RBFOX1: variants seen among roughly 807,000 people sequenced by gnomAD.
RBFOX1 encodes the protein RNA binding fox-1 homolog 1, also known as RNA binding protein fox-1 homolog 1.
RBFOX1 carries 8 observed loss-of-function variants against 57.7 expected under a neutral mutation model. The ratio of observed to expected loss-of-function variants is 0.14; its 90% CI spans 0.08 to 0.25. The LOEUF is 0.25. Ranked by LOEUF, RBFOX1 falls within the 10% of genes least tolerant of loss-of-function variation. The pLI is 1.00. For synonymous variants in RBFOX1, 326 were observed against 222.4 expected, an observed-to-expected ratio of 1.47 and a Z score of -4.15; for missense variants, 611 against 548.5, an observed-to-expected ratio of 1.11 and a Z score of -1.14.
At chr16:7,329,023 A>C (rs1188896564) in intron 4 of RBFOX1, among the ~76,000 whole-genome samples, 1 of 152,198 alleles carries the variant, frequency 6.6e-6, no homozygotes, top group African/African-American at 2.4e-5. Context: ...AATTTAGTAA[A>C]TACAGTATTA....
chr16:7,319,794 C>T (rs971596915), intron 4 of RBFOX1, among the ~76,000 whole-genome samples: 1 of 152,048 alleles, frequency 6.6e-6, no homozygotes, highest in African/African-American at 2.4e-5. Context: ...GACTGCCGGC[C>T]CTCCCTGCTC....
At chr16:6,109,576 A>G (rs1052723026) in intron 1 of RBFOX1, among the ~76,000 whole-genome samples, 2 of 152,106 alleles carry the variant, frequency 1.3e-5, no homozygotes, top group African/African-American at 2.4e-5. Flanking sequence ...TGCTTTCTCT[A>G]TTTTCTAGTG....
intron 1 of RBFOX1, among the ~76,000 whole-genome samples, chr16:5,429,663 T>G (rs1380445590): frequency 1.3e-5 from 2 of 152,176 alleles, no homozygotes; most frequent in African/African-American, 2.4e-5. Flanking sequence ...AAGGCCTGGA[T>G]AGTTCAACCC....
intron 3 of RBFOX1, among the ~76,000 whole-genome samples, chr16:6,860,874 A>G (rs978101153): frequency 6.6e-6 from 1 of 152,202 alleles, no homozygotes; most frequent in Non-Finnish European, 1.5e-5. Context: ...AATGTATTCA[A>G]AAATAGATAT....
chr16:6,195,229 C>G (rs12447237), intron 1 of RBFOX1, among the ~76,000 whole-genome samples: 90,737 of 152,068 alleles, frequency 0.6, 27,676 homozygotes, highest in East Asian at 0.7. Context: ...GGTTTTCTTT[C>G]ATCTTGGCAA....
intron 1 of RBFOX1, among the ~76,000 whole-genome samples, chr16:5,450,817 G>T (rs1176054497): frequency 6.6e-6 from 1 of 152,168 alleles, no homozygotes; most frequent in African/African-American, 2.4e-5. Context: ...TTCAGAGCTA[G>T]AAGTGTGCAC....
intron 7 of RBFOX1, among the ~76,000 whole-genome samples, chr16:7,589,785 G>A (rs536736983): frequency 6.6e-6 from 1 of 151,880 alleles, no homozygotes; most frequent in African/African-American, 2.4e-5. Flanking sequence ...CATTTTCATC[G>A]TTTGGTGCTG....
intron 3 of RBFOX1, among the ~76,000 whole-genome samples, chr16:6,955,320 C>G (rs9933023): frequency 0.16 from 24,388 of 150,758 alleles, 2,153 homozygotes; most frequent in Middle Eastern, 0.19. Flanking sequence ...ATTTTTTTCT[C>G]TTTCACCTTT....
At chr16:5,907,763 CATT>C (rs2058497697) in intron 4 of RBFOX1, among the ~76,000 whole-genome samples, 1 of 140,906 alleles carries the variant, frequency 7.1e-6, no homozygotes, top group Non-Finnish European at 1.5e-5. Context: ...TCATCATCAT[CATT>C]TGAGATGGCA....
chr16:6,256,218 T>TGTGTATAC (rs1755336644), intron 1 of RBFOX1, among the ~76,000 whole-genome samples: 1 of 106,644 alleles, frequency 9.4e-6, no homozygotes, highest in Non-Finnish European at 1.8e-5. Flanking sequence ...TGTGTATATA[T>TGTGTATAC]ATGTATATAT....
chr16:7,607,319 C>G lies in RBFOX1; in HGVS notation c.657C>G (p.Tyr219Ter). 6.2e-7 allele frequency: 1 copy of G among 1,611,064 alleles called. No homozygotes were observed. Among genetic ancestry groups the G allele is most frequent in the Non-Finnish European group, 8.5e-7 (1 of 1,179,254 alleles). Reference protein sequence around the residue: ...WKLNPVVGAVYSPEFYAGTVL... With the variant: ...WKLNPVVGAV ...TGAATCCAGTTGTGGGTGCAGTCTA[C>G]AGTCCCGAATTCTATGCAGGTACAG... The change falls in exon 10 of 16, where the codon TAC becomes TAG. Residue 219 changes from tyrosine to a stop codon, truncating the protein, a stop_gained. Transcript: ENST00000550418. LOFTEE classifies it high-confidence loss of function.
intron 2 of RBFOX1, among the ~76,000 whole-genome samples, chr16:5,485,263 G>A (rs1006889291): frequency 2.7e-5 from 4 of 147,758 alleles, no homozygotes; most frequent in Non-Finnish European, 4.5e-5. Flanking sequence ...GGAGAATGGC[G>A]TGAACCCAGG....
chr16:7,201,875 A>G (rs112409473), intron 4 of RBFOX1, among the ~76,000 whole-genome samples: 13 of 152,130 alleles, frequency 8.5e-5, no homozygotes, highest in African/African-American at 3.1e-4. Flanking sequence ...CAGAGGGAGT[A>G]TTGATGGTGG....
intron 1 of RBFOX1, among the ~76,000 whole-genome samples, chr16:6,183,309 T>A (rs982602458): frequency 4.0e-5 from 6 of 151,638 alleles, no homozygotes; most frequent in East Asian, 1.9e-4. Context: ...TGAAACCCTG[T>A]CTCTACTAAA....
At chr16:5,678,661 C>G (rs1385609471) in intron 3 of RBFOX1, among the ~76,000 whole-genome samples, 5 of 152,156 alleles carry the variant, frequency 3.3e-5, no homozygotes, top group Non-Finnish European at 5.9e-5. Context: ...AGAACCTCAG[C>G]TGAGGTCTCT....
At chr16:7,486,899 C>A (rs1014707621) in intron 4 of RBFOX1, among the ~76,000 whole-genome samples, 2 of 152,108 alleles carry the variant, frequency 1.3e-5, no homozygotes, top group African/African-American at 4.8e-5. Flanking sequence ...CACTTCAAGG[C>A]ATTTGTTTTT....
At chr16:7,401,832 A>T (rs1597497234) in intron 4 of RBFOX1, among the ~76,000 whole-genome samples, 2 of 152,180 alleles carry the variant, frequency 1.3e-5, no homozygotes. Flanking sequence ...CAGGAGGCCA[A>T]AAGAGTTTCC....
intron 4 of RBFOX1, among the ~76,000 whole-genome samples, chr16:7,458,069 G>A (rs921864548): frequency 3.9e-5 from 6 of 152,078 alleles, no homozygotes; most frequent in Non-Finnish European, 7.4e-5. Flanking sequence ...CATACTTCCT[G>A]ATTCACCTTC....
At chr16:7,225,923 T>C (rs2093083007) in intron 4 of RBFOX1, among the ~76,000 whole-genome samples, 1 of 148,710 alleles carries the variant, frequency 6.7e-6, no homozygotes, top group Non-Finnish European at 1.5e-5. Context: ...TATATATAAA[T>C]GTGAATGTCA....
Sources: gnomAD v4.1 joint callset for allele counts (sites outside exome capture counted in the v4.1 genomes callset) on GRCh38, gnomAD v4.1.1 for gene constraint, MANE v1.5 for transcripts, NCBI Gene and HGNC (gene_info 2026-07-23, HGNC 2026-07-21) for gene names.